The following RBPJ variants were observed in gnomAD, a reference collection of about 807,000 sequenced individuals.
RBPJ encodes the protein recombining binding protein suppressor of hairless.
Under a neutral mutation model 67.8 loss-of-function variants are expected in RBPJ, and 9 were observed. That is an observed-to-expected ratio of 0.13 (90% CI 0.08 to 0.23). The LOEUF (loss-of-function observed/expected upper bound fraction) is 0.23, where lower values mean the gene tolerates loss of function less well. Ranked by LOEUF, RBPJ falls within the 10% of genes least tolerant of loss-of-function variation. The pLI is 1.00. For synonymous variants in RBPJ, 198 were observed against 203.3 expected (o/e 0.97, Z 0.22); for missense variants, 305 against 595.6 (o/e 0.51, Z 5.08).
chr4:26,272,807 T>C, intron 1 of RBPJ: 1 of 431,846 alleles, frequency 2.3e-6, no homozygotes, highest in South Asian at 1.7e-5. Context: ...AGGAAAGTCC[T>C]ATTGGATCTG....
the RBPJ span, among the ~76,000 whole-genome samples, chr4:26,149,614 G>A: frequency 1.5e-4 from 23 of 150,594 alleles, no homozygotes; most frequent in Non-Finnish European, 1.5e-5. Flanking sequence ...AGTGAGCTCA[G>A]CTCTCTCTCT....
chr4:26,323,629 T>C (rs1723319998), intron 1 of RBPJ, among the ~76,000 whole-genome samples: 1 of 152,224 alleles, frequency 6.6e-6, no homozygotes, highest in Non-Finnish European at 1.5e-5. Context: ...TTCAAATCTG[T>C]ACTAATACAC....
upstream of RBPJ, among the ~76,000 whole-genome samples, chr4:26,158,941 CTCTT>C (rs1272480404): frequency 5.7e-5 from 7 of 123,734 alleles, no homozygotes; most frequent in Non-Finnish European, 8.3e-5. Context: ...CTCCCTCTCT[CTCTT>C]TCTCTCTCTC....
chr4:26,324,161 G>A (rs1257755549), intron 1 of RBPJ, among the ~76,000 whole-genome samples: 1 of 152,170 alleles, frequency 6.6e-6, no homozygotes, highest in African/African-American at 2.4e-5. Flanking sequence ...TGAAAACTGT[G>A]GGGAAGGTCT....
intron 1 of RBPJ, among the ~76,000 whole-genome samples, chr4:26,292,063 T>C (rs1721688975): frequency 6.6e-6 from 1 of 150,906 alleles, no homozygotes; most frequent in Admixed American, 6.6e-5. Context: ...TTTACTTTTT[T>C]TAATGTGTGG....
At chr4:26,222,016 T>C (rs1208715451) in intron 1 of RBPJ, among the ~76,000 whole-genome samples, 11 of 152,066 alleles carry the variant, frequency 7.2e-5, no homozygotes, top group Non-Finnish European at 7.4e-5. Context: ...TAGAGACACC[T>C]CCGGTTTATG....
intron 1 of RBPJ, among the ~76,000 whole-genome samples, chr4:26,279,576 T>A (rs909657272): frequency 6.6e-6 from 1 of 151,956 alleles, no homozygotes; most frequent in Non-Finnish European, 1.5e-5. Flanking sequence ...ACGCCCGGCC[T>A]GTTTGATATT....
chr4:26,400,291 A>G (rs1371370855), intron 2 of RBPJ, among the ~76,000 whole-genome samples: 1 of 152,188 alleles, frequency 6.6e-6, no homozygotes, highest in Non-Finnish European at 1.5e-5. Flanking sequence ...ATCTGGAGAC[A>G]TTTTTAGTTG....
rs186731887 is a variant in RBPJ at position 26,181,422 on chromosome 4, C to T, written c.-167+17808C>T. On this transcript the variant is annotated intron_variant, in intron 1 of 4. Transcript: ENST00000512351. ...CTCCTAAATTCTGCCCTATCTAATGCGATAGCCTTCCTCCCTCTCCATACC... is the reference window on the plus strand; with the variant it reads ...CTCCTAAATTCTGCCCTATCTAATGTGATAGCCTTCCTCCCTCTCCATACC... 4.9e-3 allele frequency among the ~76,000 whole-genome samples: 747 copies of T among 152,318 alleles called. 31 individuals are homozygous for T. Among genetic ancestry groups the T allele is most frequent in the Admixed American group, 0.046 (704 of 15,292 alleles).
At chr4:26,300,401 C>A (rs1283550110) in intron 1 of RBPJ, among the ~76,000 whole-genome samples, 3 of 152,196 alleles carry the variant, frequency 2.0e-5, no homozygotes, top group Non-Finnish European at 2.9e-5. Flanking sequence ...AGTCTATACT[C>A]CTGAAAGACC....
chr4:26,344,609 A>G (rs1725941729), intron 1 of RBPJ, among the ~76,000 whole-genome samples: 2 of 152,214 alleles, frequency 1.3e-5, no homozygotes, highest in Non-Finnish European at 1.5e-5. Context: ...AATAAGGGAG[A>G]TGTGGTAATT....
intron 7 of RBPJ, among the ~76,000 whole-genome samples, chr4:26,428,222 C>T (rs558379710): frequency 9.2e-5 from 14 of 152,290 alleles, no homozygotes; most frequent in Admixed American, 9.2e-4. Flanking sequence ...AGAGATTTTT[C>T]CCTTTGATGT....
intron 1 of RBPJ, among the ~76,000 whole-genome samples, chr4:26,228,785 G>A (rs6850487): frequency 0.074 from 11,332 of 152,246 alleles, 542 homozygotes; most frequent in African/African-American, 0.13. Context: ...TCTATAAATC[G>A]TTTGACTGGA....
At chr4:26,170,372 CT>C (rs1180101335) in intron 1 of RBPJ, among the ~76,000 whole-genome samples, 1 of 151,966 alleles carries the variant, frequency 6.6e-6, no homozygotes, top group Non-Finnish European at 1.5e-5. Context: ...AAAACTCTGT[CT>C]CTACAAAAAA....
At chr4:26,368,500 T>G (rs1215310012) in intron 1 of RBPJ, among the ~76,000 whole-genome samples, 1 of 152,224 alleles carries the variant, frequency 6.6e-6, no homozygotes, top group Non-Finnish European at 1.5e-5. Context: ...CTCTGTGGAA[T>G]TTGTTTCTTC....
In RBPJ at chr4:26,424,277, C is replaced by T; in HGVS notation, c.497-65C>T. ...ATTATACACTGCCAAGCAGAATTTC[C>T]TTCTTTTGCTCCCTCCCCACCTTCT... On this transcript the variant is annotated intron_variant, in intron 5 of 10. Coordinates refer to ENST00000355476, the MANE Select transcript of RBPJ (RefSeq NM_015874.6). The surrounding 1 kb of genome is among the most constrained non-coding windows in gnomAD (Gnocchi z 5.3). 2.0e-6 allele frequency: 3 copies of T among 1,507,032 alleles called. No homozygotes were observed. Among genetic ancestry groups the T allele is most frequent in the South Asian group, 1.2e-5 (1 of 83,824 alleles). The allele number at this position is 1,507,032 out of a possible 1,614,324, so 93.4% of individuals were successfully genotyped here. A position where few individuals can be genotyped will look rare whatever the true frequency, so the allele number is the denominator to read the frequency against.
At chr4:26,218,211 C>G (rs185861290) in intron 1 of RBPJ, among the ~76,000 whole-genome samples, 2 of 152,212 alleles carry the variant, frequency 1.3e-5, no homozygotes, top group Non-Finnish European at 1.5e-5. Context: ...CCGTTATCCA[C>G]CCAGCTGTCG....
intron 1 of RBPJ, among the ~76,000 whole-genome samples, chr4:26,298,330 C>T (rs1015061011): frequency 6.6e-6 from 1 of 152,130 alleles, no homozygotes; most frequent in Admixed American, 6.6e-5. Flanking sequence ...AAATTTCATT[C>T]AAAACACACA....
At chr4:26,420,424 G>GT (rs1292559960) in intron 4 of RBPJ, 127 bp from the exon 5 acceptor site, 1 of 534,558 alleles carries the variant, frequency 1.9e-6, no homozygotes, top group Non-Finnish European at 3.2e-6. Context: ...AATTTTTAGA[G>GT]TTGGTTTTAT....
Sources: gnomAD v4.1 joint callset for allele counts (sites outside exome capture counted in the v4.1 genomes callset) on GRCh38, gnomAD v4.1.1 for gene constraint, Gnocchi (gnomAD v3.1) non-coding constraint, MANE v1.5 for transcripts, NCBI Gene and HGNC (gene_info 2026-07-23, HGNC 2026-07-21) for gene names.